Variants in LRP1B observed in about 807,000 individuals in gnomAD.
LRP1B encodes the protein low-density lipoprotein receptor-related protein 1B.
LRP1B carries 217 observed loss-of-function variants against 556.6 expected under a neutral mutation model. The ratio of observed to expected loss-of-function variants is 0.39; its 90% CI spans 0.35 to 0.44. LRP1B has a LOEUF of 0.44. Among genes scored for constraint, LRP1B ranks in the 20% least tolerant of loss-of-function variants. LRP1B has a pLI of 1.00. For synonymous variants in LRP1B, 2,047 were observed against 1,865.8 expected (o/e 1.10, Z -2.50); for missense variants, 5,053 against 5,620.8 (o/e 0.90, Z 3.23).
chr2:141,497,269 G>A (rs1016122341), intron 2 of LRP1B, among the ~76,000 whole-genome samples: 7 of 151,950 alleles, frequency 4.6e-5, no homozygotes, highest in South Asian at 2.1e-4. Context: ...AAACTGGCAT[G>A]AAGGACATTT....
chr2:141,968,669 A>T (rs989060671), intron 1 of LRP1B, among the ~76,000 whole-genome samples: 2 of 151,844 alleles, frequency 1.3e-5, no homozygotes, highest in African/African-American at 4.8e-5. Context: ...GTTGCAAAGA[A>T]TATTATGTAA....
At chr2:140,566,859 G>T (rs910045556) in intron 43 of LRP1B, among the ~76,000 whole-genome samples, 1 of 152,258 alleles carries the variant, frequency 6.6e-6, no homozygotes, top group Admixed American at 6.5e-5. Context: ...TGAAATGGGG[G>T]TGTGGTCACC....
chr2:141,757,201 TA>T (rs1694354158), intron 2 of LRP1B, among the ~76,000 whole-genome samples: 1 of 152,158 alleles, frequency 6.6e-6, no homozygotes, highest in Non-Finnish European at 1.5e-5. Flanking sequence ...CCACTTAATT[TA>T]AAAAATAATT....
chr2:140,506,905 T>C lies in LRP1B; in HGVS notation c.8412A>G (p.Thr2804=). 1 of 1,613,848 alleles carries C rather than the reference T, an allele frequency of 6.2e-7. No homozygotes were observed. Among genetic ancestry groups the C allele is most frequent in the Non-Finnish European group, 8.5e-7 (1 of 1,179,888 alleles). Residue 2804 remains threonine, a synonymous_variant, in exon 53 of 91, where the codon ACA becomes ACG. Transcript: ENST00000389484. The stretch of plus-strand genomic sequence containing the variant: ...GGCACATGAAAGCATTTTCATCACA[T>C]GTATTATTGGGAGCTAAGAAAGGCA... ...LSTAGCAPNN[T]CDENAFMCHN... is the part of the protein sequence containing the mutation.
chr2:140,552,076 T>C (rs1680565917), intron 43 of LRP1B, among the ~76,000 whole-genome samples: 1 of 152,148 alleles, frequency 6.6e-6, no homozygotes, highest in African/African-American at 2.4e-5. Flanking sequence ...TGAATTAATT[T>C]TGACTTGGTG....
intron 1 of LRP1B, among the ~76,000 whole-genome samples, chr2:142,004,595 TA>T (rs1249211348): frequency 6.6e-6 from 1 of 152,032 alleles, no homozygotes; most frequent in African/African-American, 2.4e-5. Context: ...CCTGTAATCC[TA>T]GCACTTTGGG....
At chr2:140,801,388 G>C (rs111816013) in intron 32 of LRP1B, among the ~76,000 whole-genome samples, 1 of 152,106 alleles carries the variant, frequency 6.6e-6, no homozygotes, top group Non-Finnish European at 1.5e-5. Flanking sequence ...AGAGAAATAA[G>C]TAGGGCATAA....
Position 140,407,852 on chromosome 2 carries a change from C to T in LRP1B, c.10415-21843G>A, listed in dbSNP as rs188212780. On this transcript the variant is annotated intron_variant, in intron 66 of 90. Coordinates refer to ENST00000389484, the MANE Select transcript of LRP1B (RefSeq NM_018557.3). The stretch of plus-strand genomic sequence containing the variant: ...GGTACCTATCCAAAAGAAAAGAAGT[C>T]ATTATATGAAAAAGACACATGCACA... Among the ~76,000 whole-genome samples the T allele has an allele frequency of 1.9e-3, 282 of 151,992 alleles. 1 individual carries two copies. Among genetic ancestry groups the T allele is most frequent in the Admixed American group, 6.6e-3 (100 of 15,240 alleles).
intron 2 of LRP1B, among the ~76,000 whole-genome samples, chr2:141,568,455 A>T (rs548850541): frequency 6.6e-6 from 1 of 151,226 alleles, no homozygotes; most frequent in African/African-American, 2.4e-5. Context: ...TATAAGAAAG[A>T]AGTTCTTTGC....
intron 84 of LRP1B, among the ~76,000 whole-genome samples, chr2:140,286,847 T>G (rs1194470961): frequency 2.6e-5 from 4 of 151,752 alleles, no homozygotes; most frequent in Non-Finnish European, 4.4e-5. Context: ...ATTATAAAAA[T>G]AAATATCTGC....
chr2:141,175,590 G>A (rs1269451169), intron 7 of LRP1B, among the ~76,000 whole-genome samples: 1 of 152,148 alleles, frequency 6.6e-6, no homozygotes, highest in African/African-American at 2.4e-5. Flanking sequence ...GTATGAAAAC[G>A]TTTGGATGTC....
intron 1 of LRP1B, among the ~76,000 whole-genome samples, chr2:141,988,264 C>T (rs189440442): frequency 2.7e-4 from 41 of 151,792 alleles, no homozygotes; most frequent in Non-Finnish European, 5.0e-4. Flanking sequence ...AGAAGTTTTG[C>T]TCTGCTTTTA....
At chr2:140,826,646 A>G (rs1691519178) in intron 31 of LRP1B, among the ~76,000 whole-genome samples, 1 of 152,182 alleles carries the variant, frequency 6.6e-6, no homozygotes, top group South Asian at 2.1e-4. Flanking sequence ...GGCACCATGC[A>G]TGAATGATTC....
At chr2:142,082,147 A>G (rs1705742299) in intron 1 of LRP1B, among the ~76,000 whole-genome samples, 1 of 152,202 alleles carries the variant, frequency 6.6e-6, no homozygotes. Flanking sequence ...CCCACAGTCA[A>G]TAAGCACTTT....
intron 24 of LRP1B, among the ~76,000 whole-genome samples, chr2:140,885,134 C>A (rs1693596170): frequency 6.6e-6 from 1 of 152,088 alleles, no homozygotes; most frequent in South Asian, 2.1e-4. Context: ...AAGTAGCTAA[C>A]CAATTAATCC....
intron 2 of LRP1B, among the ~76,000 whole-genome samples, chr2:141,760,951 T>C (rs929667091): frequency 3.9e-5 from 6 of 152,330 alleles, no homozygotes; most frequent in African/African-American, 1.4e-4. Flanking sequence ...TAAAAATGTT[T>C]AAGTTAGCTA....
intron 1 of LRP1B, among the ~76,000 whole-genome samples, chr2:141,907,204 A>G (rs993838737): frequency 1.3e-5 from 2 of 151,980 alleles, no homozygotes; most frequent in Non-Finnish European, 2.9e-5. Context: ...GAAGTATTTA[A>G]ATAAATTTCC....
At chr2:141,969,159 A>T (rs1701652950) in intron 1 of LRP1B, among the ~76,000 whole-genome samples, 1 of 150,730 alleles carries the variant, frequency 6.6e-6, no homozygotes, top group East Asian at 2.0e-4. Flanking sequence ...GTATATATTT[A>T]TGGGGTACAA....
intron 41 of LRP1B, among the ~76,000 whole-genome samples, chr2:140,611,010 A>G (rs1683053163): frequency 6.6e-6 from 1 of 152,236 alleles, no homozygotes; most frequent in Admixed American, 6.5e-5. Flanking sequence ...TAAGGGTTCA[A>G]TATATGTCAG....
Sources: allele counts gnomAD v4.1 joint callset (sites outside exome capture counted in the v4.1 genomes callset), GRCh38; gene constraint gnomAD v4.1.1; transcripts MANE v1.5; gene names NCBI Gene and HGNC (gene_info 2026-07-23, HGNC 2026-07-21).